The following CACNA1E variants were observed in gnomAD, a reference collection of about 807,000 sequenced individuals.
CACNA1E encodes voltage-dependent R-type calcium channel subunit alpha-1E.
A neutral mutation model predicts 259.2 loss-of-function variants in CACNA1E; 40 were observed. That is an observed-to-expected ratio of 0.15 (90% CI 0.12 to 0.20). The LOEUF (loss-of-function observed/expected upper bound fraction) is 0.20. CACNA1E is among the 10% of genes least tolerant of loss of function. The pLI, the probability that CACNA1E is intolerant of heterozygous loss-of-function variation, is 1.00. For synonymous variants in CACNA1E, 1,104 were observed against 1,138.5 expected (o/e 0.97, Z 0.61); for missense variants, 1,874 against 3,040.1 (o/e 0.62, Z 9.02).
Position 181,580,524 on chromosome 1 carries a change from T to G in CACNA1E, c.770-71T>G, listed in dbSNP as rs114926597. 1.6e-4 allele frequency: 234 copies of G among 1,473,008 alleles called. 1 individual carries two copies. The African/African-American group carries it at 2.9e-3, about 18-fold the overall frequency. 91.2% of individuals were successfully genotyped at this position (1,473,008 alleles called of 1,614,324 possible). A position where few individuals can be genotyped will look rare whatever the true frequency, so the allele number is the denominator to read the frequency against. On this transcript the variant is annotated intron_variant, in intron 5 of 47. Transcript: ENST00000367573. ...GGGAATGGAATTGCTTGCCTATGGC[T>G]TCCTGGGGTCATTTCCAGCTCATGC...
intron 34 of CACNA1E, among the ~76,000 whole-genome samples, chr1:181,766,050 C>T (rs1658995522): frequency 6.6e-6 from 1 of 152,246 alleles, no homozygotes; most frequent in African/African-American, 2.4e-5. Flanking sequence ...AATGACCTTT[C>T]TAGGAACTTA....
At chr1:181,699,862 G>A (rs146632192) in intron 7 of CACNA1E, among the ~76,000 whole-genome samples, 42 of 152,244 alleles carry the variant, frequency 2.8e-4, no homozygotes, top group African/African-American at 9.9e-4. Flanking sequence ...AGGTGGGAGA[G>A]ACTAGAGGAG....
intron 2 of CACNA1E, among the ~76,000 whole-genome samples, chr1:181,415,814 AT>A (rs1233348012): frequency 1.3e-5 from 2 of 152,122 alleles, no homozygotes; most frequent in African/African-American, 4.8e-5. Context: ...CACCACCCAA[AT>A]TCCTTAGCCT....
intron 1 of CACNA1E, among the ~76,000 whole-genome samples, chr1:181,351,301 C>G (rs1303558369): frequency 6.6e-6 from 1 of 152,052 alleles, no homozygotes; most frequent in Non-Finnish European, 1.5e-5. Flanking sequence ...GGGCTGTAGC[C>G]CCACGGCTCA....
At chr1:181,460,669 A>G (rs915580538) in intron 2 of CACNA1E, among the ~76,000 whole-genome samples, 1 of 152,230 alleles carries the variant, frequency 6.6e-6, no homozygotes, top group African/African-American at 2.4e-5. Flanking sequence ...AGTTGAATCA[A>G]GTAACTCTCC....
Position 181,474,229 on chromosome 1 carries a change from A to G in CACNA1E, c.435-9515A>G, listed in dbSNP as rs183514257. 3.3e-3 allele frequency among the ~76,000 whole-genome samples: 500 copies of G among 152,342 alleles called. 5 individuals are homozygous for G. Among genetic ancestry groups the G allele is most frequent in the Non-Finnish European group, 3.5e-3 (235 of 68,028 alleles). On this transcript the variant is annotated intron_variant, in intron 2 of 11. Coordinates refer to the CACNA1E transcript ENST00000524607. The stretch of plus-strand genomic sequence containing the variant: ...AGAATATTATTGAAAAATATGATCC[A>G]GTGATGGGGTGGTTTTGTGAAAAAA...
At chr1:181,657,385 T>G (rs1445646253) in intron 7 of CACNA1E, among the ~76,000 whole-genome samples, 3 of 152,146 alleles carry the variant, frequency 2.0e-5, no homozygotes, top group Non-Finnish European at 4.4e-5. Flanking sequence ...ATTTCAGTTT[T>G]TAAGTATAAT....
chr1:181,338,718 C>G (rs1431873777), intron 1 of CACNA1E, among the ~76,000 whole-genome samples: 1 of 152,000 alleles, frequency 6.6e-6, no homozygotes, highest in Non-Finnish European at 1.5e-5. Context: ...GTGTGATATT[C>G]AAAAAATTAT....
At chr1:181,703,904 G>T (rs902141947) in intron 7 of CACNA1E, among the ~76,000 whole-genome samples, 9 of 152,158 alleles carry the variant, frequency 5.9e-5, no homozygotes, top group Non-Finnish European at 7.3e-5. Flanking sequence ...GACATAAGGT[G>T]GTGGAGTAGG....
chr1:181,393,128 A>G (rs1656410642), intron 1 of CACNA1E, among the ~76,000 whole-genome samples: 1 of 152,226 alleles, frequency 6.6e-6, no homozygotes, highest in African/African-American at 2.4e-5. Flanking sequence ...TACATGTTCC[A>G]CATGCTTTCA....
chr1:181,444,448 C>T (rs609101), intron 2 of CACNA1E, among the ~76,000 whole-genome samples: 21,039 of 151,848 alleles, frequency 0.14, 1,512 homozygotes, highest in South Asian at 0.21. Context: ...AGGGAATTGA[C>T]AGGGGACATT....
At position 181,805,081 on chromosome 1, in the gene CACNA1E, A is replaced by C. The variant is rs1662539654; in HGVS notation, c.*6247A>C. On this transcript the variant is annotated 3_prime_UTR_variant, in exon 48 of 48. Coordinates refer to ENST00000367573, the MANE Select transcript of CACNA1E (RefSeq NM_001205293.3). ...CAACCCAGCATTGGAAATCTGAACG[A>C]ATCTTTTCTCTTTTTGTCCTACAAG... is the stretch of plus-strand genomic sequence containing the variant. 6.6e-6 allele frequency: 1 copy of C among 152,104 alleles called. No homozygotes were observed. 9.4% of individuals were successfully genotyped at this position (152,104 alleles called of 1,614,324 possible).
rs143238172 is a variant in CACNA1E at position 181,556,651 on chromosome 1, T to C, written c.513-21115T>C. 5.3e-3 allele frequency among the ~76,000 whole-genome samples: 813 copies of C among 152,314 alleles called. 1 individual carries two copies. The highest frequency in any genetic ancestry group is 8.9e-3 in the Non-Finnish European group (607 of 68,028). On this transcript the variant is annotated intron_variant, in intron 3 of 47. Transcript: ENST00000367573. ...CTTTGTATTGAGGATCTCCTTCTTA[T>C]ATTGCATTTGCTTAGAGGGTGCATG... is the stretch of plus-strand genomic sequence containing the variant.
At chr1:181,550,560 G>T (rs1051533860) in intron 3 of CACNA1E, among the ~76,000 whole-genome samples, 2 of 152,050 alleles carry the variant, frequency 1.3e-5, no homozygotes, top group African/African-American at 4.8e-5. Context: ...GGCAGGAGGG[G>T]TGGGGGCAGA....
chr1:181,685,209 T>C (rs574090265), intron 7 of CACNA1E, among the ~76,000 whole-genome samples: 1 of 141,502 alleles, frequency 7.1e-6, no homozygotes, highest in African/African-American at 2.6e-5. Flanking sequence ...CTTGCCTAGG[T>C]AGCACATAGC....
intron 1 of CACNA1E, among the ~76,000 whole-genome samples, chr1:181,380,250 A>G (rs1488693085): frequency 6.6e-6 from 1 of 152,028 alleles, no homozygotes; most frequent in Non-Finnish European, 1.5e-5. Flanking sequence ...TCCTGCCTAC[A>G]AGAAACATAC....
chr1:181,549,838 G>A (rs1166804428), intron 3 of CACNA1E, among the ~76,000 whole-genome samples: 8 of 152,338 alleles, frequency 5.3e-5, no homozygotes, highest in African/African-American at 1.9e-4. Flanking sequence ...TGGGCGTGGA[G>A]TGGAGCATGG....
chr1:181,329,322 C>T (rs1256592775), intron 1 of CACNA1E, among the ~76,000 whole-genome samples: 4 of 152,174 alleles, frequency 2.6e-5, no homozygotes, highest in Admixed American at 6.5e-5. Context: ...CTCTGGTCCC[C>T]TTGTGGAGCT....
chr1:181,362,181 T>A (rs990589219), intron 1 of CACNA1E, among the ~76,000 whole-genome samples: 2 of 152,188 alleles, frequency 1.3e-5, no homozygotes, highest in Non-Finnish European at 2.9e-5. Flanking sequence ...TTCCAATCCT[T>A]CCTCATCAGA....
Sources: allele counts gnomAD v4.1 joint callset (sites outside exome capture counted in the v4.1 genomes callset), GRCh38; gene constraint gnomAD v4.1.1; transcripts MANE v1.5; gene names NCBI Gene and HGNC (gene_info 2026-07-23, HGNC 2026-07-21).